Variants in WWOX observed in about 807,000 individuals in gnomAD.
The protein encoded by WWOX is WW domain containing oxidoreductase.
In WWOX, 69 loss-of-function variants were observed where a neutral mutation model predicts 46.2. The ratio of observed to expected loss-of-function variants is 1.49; its 90% confidence interval spans 1.23 to 1.82. The LOEUF (loss-of-function observed/expected upper bound fraction) is 1.82, where lower values mean the gene tolerates loss of function less well. Among genes scored for constraint, WWOX ranks in the 40% most tolerant of loss-of-function variants. The pLI is 0.00. For synonymous variants in WWOX, 359 were observed against 202.6 expected (o/e 1.77, Z -6.56); for missense variants, 919 against 542.6 (o/e 1.69, Z -6.89).
intron 8 of WWOX, among the ~76,000 whole-genome samples, chr16:78,870,206 C>G (rs1002131733): frequency 6.6e-6 from 1 of 152,184 alleles, no homozygotes; most frequent in South Asian, 2.1e-4. Flanking sequence ...AATCTGCTTC[C>G]TCAAGATTCT....
At chr16:78,680,370 C>T (rs551663953) in intron 8 of WWOX, among the ~76,000 whole-genome samples, 9 of 152,052 alleles carry the variant, frequency 5.9e-5, no homozygotes, top group Non-Finnish European at 1.3e-4. Context: ...GTAAAAAGAC[C>T]TATCTCTACA....
chr16:78,245,577 T>C (rs1056896487), intron 5 of WWOX, among the ~76,000 whole-genome samples: 1 of 152,214 alleles, frequency 6.6e-6, no homozygotes, highest in African/African-American at 2.4e-5. Flanking sequence ...GAATGTATTC[T>C]AGATGGGCCA....
chr16:78,924,346 G>C (rs867685108), intron 8 of WWOX, among the ~76,000 whole-genome samples: 31 of 152,288 alleles, frequency 2.0e-4, no homozygotes, highest in African/African-American at 7.0e-4. Flanking sequence ...TTTGAAAAAT[G>C]GAGCTTGCTG....
rs535344752 is a variant in WWOX, at chr16:78,342,130, G to C, written c.517-44730G>C. Among the ~76,000 whole-genome samples the C allele has an allele frequency of 5.9e-4, 72 of 121,164 alleles. 21 individuals carry two copies. The highest frequency in any genetic ancestry group is 1.2e-3 in the Non-Finnish European group (61 of 50,670). 79.5% of individuals were successfully genotyped at this position (121,164 alleles called of 152,430 possible). On this transcript the variant is annotated intron_variant, in intron 5 of 8. Transcript: ENST00000566780. ...GACTATGTCTCAAGAAAATGTTCAA[G>C]AAGAAATACAAACTATTGAAAAAGG...
At chr16:79,041,987 T>C (rs2047980247) in intron 8 of WWOX, among the ~76,000 whole-genome samples, 1 of 152,130 alleles carries the variant, frequency 6.6e-6, no homozygotes, top group South Asian at 2.1e-4. Context: ...TTCTGCAAAA[T>C]GGGTGCGAAA....
intron 8 of WWOX, among the ~76,000 whole-genome samples, chr16:78,971,642 A>G (rs770222555): frequency 6.6e-6 from 1 of 151,940 alleles, no homozygotes; most frequent in African/African-American, 2.4e-5. Context: ...TATTGTTACA[A>G]TATCCCTTAT....
intron 8 of WWOX, among the ~76,000 whole-genome samples, chr16:78,999,749 C>T (rs984633666): frequency 1.3e-5 from 2 of 152,218 alleles, no homozygotes; most frequent in African/African-American, 4.8e-5. Context: ...GGAAAATTGC[C>T]TGTTAGGTGC....
At chr16:78,458,833 A>G (rs2083887395) in intron 8 of WWOX, among the ~76,000 whole-genome samples, 1 of 152,116 alleles carries the variant, frequency 6.6e-6, no homozygotes, top group Non-Finnish European at 1.5e-5. Flanking sequence ...ATTAGCATGT[A>G]GAGGTTGGCA....
intron 8 of WWOX, among the ~76,000 whole-genome samples, chr16:78,805,769 G>C (rs1226231660): frequency 6.6e-6 from 1 of 152,168 alleles, no homozygotes; most frequent in Non-Finnish European, 1.5e-5. Flanking sequence ...TATCTCCATA[G>C]ATATCCAGTT....
intron 8 of WWOX, among the ~76,000 whole-genome samples, chr16:79,047,553 C>T (rs2048088566): frequency 6.6e-6 from 1 of 152,048 alleles, no homozygotes; most frequent in African/African-American, 2.4e-5. Context: ...CCATGTGTAT[C>T]AGTGTCCTGT....
intron 8 of WWOX, among the ~76,000 whole-genome samples, chr16:78,511,405 A>T (rs956171142): frequency 6.6e-6 from 1 of 152,216 alleles, no homozygotes; most frequent in Non-Finnish European, 1.5e-5. Context: ...GCTGAAAACA[A>T]AAAGGGAACA....
chr16:78,805,936 G>T (rs2051022989), intron 8 of WWOX, among the ~76,000 whole-genome samples: 2 of 152,072 alleles, frequency 1.3e-5, no homozygotes, highest in Admixed American at 6.6e-5. Flanking sequence ...GAACATTAGG[G>T]AATAACACCC....
intron 8 of WWOX, among the ~76,000 whole-genome samples, chr16:79,008,187 C>A (rs974585816): frequency 6.6e-6 from 1 of 152,118 alleles, no homozygotes; most frequent in Non-Finnish European, 1.5e-5. Flanking sequence ...CCTTGCAGCC[C>A]CTAGAGGCTA....
chr16:78,702,860 G>A (rs2048253891), intron 8 of WWOX, among the ~76,000 whole-genome samples: 1 of 152,066 alleles, frequency 6.6e-6, no homozygotes, highest in Non-Finnish European at 1.5e-5. Context: ...TTCCACCATT[G>A]TTAAATCCTG....
rs117292626 is a variant in WWOX at position 78,101,702 on chromosome 16, T to C, written c.107+1817T>C. On this transcript the variant is annotated intron_variant, in intron 1 of 8. Transcript: ENST00000566780. ...TCTTCCCTCCCAGGTGATTCTAATC[T>C]ATGCAAGGATGTGAACCACTGCTGC... Among the ~76,000 whole-genome samples the C allele has an allele frequency of 4.4e-4, 67 of 152,298 alleles. No individual in the cohort carries two copies. In the East Asian group the frequency reaches 0.013, roughly 29 times the overall value.
intron 8 of WWOX, among the ~76,000 whole-genome samples, chr16:79,064,719 G>A (rs1261265188): frequency 6.6e-6 from 1 of 152,220 alleles, no homozygotes; most frequent in Non-Finnish European, 1.5e-5. Context: ...AGGGAGGAGT[G>A]TACAATTCAT....
chr16:78,119,836 T>G (rs2033000348), intron 4 of WWOX, among the ~76,000 whole-genome samples: 1 of 152,180 alleles, frequency 6.6e-6, no homozygotes, highest in African/African-American at 2.4e-5. Flanking sequence ...TAAAACTTCT[T>G]AACTTTCAGT....
At chr16:78,335,890 G>A (rs1305531023) in intron 5 of WWOX, among the ~76,000 whole-genome samples, 1 of 152,106 alleles carries the variant, frequency 6.6e-6, no homozygotes, top group East Asian at 1.9e-4. Flanking sequence ...CCAGGAGTTT[G>A]AGACCAGCCT....
chr16:78,998,162 C>A (rs563410908), intron 8 of WWOX, among the ~76,000 whole-genome samples: 1 of 152,296 alleles, frequency 6.6e-6, no homozygotes, highest in South Asian at 2.1e-4. Context: ...CAGGCATGAG[C>A]CATCGCGCCC....
Sources: gnomAD v4.1 joint callset for allele counts (sites outside exome capture counted in the v4.1 genomes callset) on GRCh38, gnomAD v4.1.1 for gene constraint, MANE v1.5 for transcripts, NCBI Gene and HGNC (gene_info 2026-07-23, HGNC 2026-07-21) for gene names.